Variants in PLXNA4 observed in about 807,000 individuals in gnomAD.
PLXNA4 encodes plexin A4.
Under a neutral mutation model 191.8 loss-of-function variants are expected in PLXNA4, and 44 were observed. The ratio of observed to expected loss-of-function variants is 0.23; its 90% confidence interval spans 0.18 to 0.29. The LOEUF (loss-of-function observed/expected upper bound fraction) is 0.29. Among genes scored for constraint, PLXNA4 ranks in the 10% least tolerant of loss-of-function variants. The pLI is 1.00. For missense variants in PLXNA4, 1,800 were observed against 2,488.8 expected, an observed-to-expected ratio of 0.72 and a Z score of 5.89; for synonymous variants, 1,082 against 1,009.5, an observed-to-expected ratio of 1.07 and a Z score of -1.36.
At chr7:132,492,344 C>T (rs1797841759) in intron 2 of PLXNA4, among the ~76,000 whole-genome samples, 1 of 152,152 alleles carries the variant, frequency 6.6e-6, no homozygotes, top group African/African-American at 2.4e-5. Flanking sequence ...GACAGAAGGA[C>T]ATCAACAGCC....
In PLXNA4 at chr7:132,210,891, TG is replaced by T. The variant is rs1289832100; in HGVS notation, c.2298+51del. On this transcript the variant is annotated intron_variant, in intron 10 of 31. Transcript: ENST00000321063. ...TTTGGCTCCTAGAAGACAACAGTGA[TG>T]TGGGTGGGACTGGGGCCTGGTTTGG... 5.1e-6 allele frequency: 8 copies of T among 1,570,822 alleles called. No individual in the cohort carries two copies. In the African/African-American group the frequency reaches 1.1e-4, roughly 21 times the overall value.
At chr7:132,373,661 G>A (rs953186067) in intron 3 of PLXNA4, among the ~76,000 whole-genome samples, 2 of 152,188 alleles carry the variant, frequency 1.3e-5, no homozygotes, top group Non-Finnish European at 2.9e-5. Flanking sequence ...TTCACTGTGA[G>A]GAAACAGCTC....
chr7:132,513,248 GTTA>G (rs1230426994), intron 1 of PLXNA4, among the ~76,000 whole-genome samples: 1 of 152,232 alleles, frequency 6.6e-6, no homozygotes, highest in Non-Finnish European at 1.5e-5. Context: ...AGAGAGGAAA[GTTA>G]TTATAGAGTC....
chr7:132,546,490 C>G (rs1183164656), intron 1 of PLXNA4, among the ~76,000 whole-genome samples: 1 of 152,158 alleles, frequency 6.6e-6, no homozygotes, highest in Non-Finnish European at 1.5e-5. Context: ...TCTCCAGAAT[C>G]TAATATATCT....
intron 24 of PLXNA4, 68 bp downstream of exon 24, chr7:132,164,074 T>A: frequency 6.3e-7 from 1 of 1,598,238 alleles, no homozygotes; most frequent in Non-Finnish European, 8.5e-7. Flanking sequence ...TCTCCACTGC[T>A]GAGCAGGGCT....
chr7:132,318,838 C>A (rs1048558914), intron 3 of PLXNA4, among the ~76,000 whole-genome samples: 2 of 152,000 alleles, frequency 1.3e-5, no homozygotes, highest in African/African-American at 2.4e-5. Flanking sequence ...TATGTGTGTG[C>A]GCGGGTCTCT....
chr7:132,319,973 G>A (rs746527766), intron 3 of PLXNA4, among the ~76,000 whole-genome samples: 9 of 152,204 alleles, frequency 5.9e-5, no homozygotes, highest in South Asian at 4.1e-4. Flanking sequence ...AGACACCTGA[G>A]TTGGACTGCC....
At chr7:132,500,489 G>T (rs1459851409) in intron 2 of PLXNA4, among the ~76,000 whole-genome samples, 1 of 151,920 alleles carries the variant, frequency 6.6e-6, no homozygotes, top group Non-Finnish European at 1.5e-5. Flanking sequence ...GAGGGGAAGG[G>T]GAAGGGGAAA....
At chr7:132,139,602 C>T (rs931947182) in intron 30 of PLXNA4, among the ~76,000 whole-genome samples, 3 of 152,316 alleles carry the variant, frequency 2.0e-5, no homozygotes, top group East Asian at 1.9e-4. Context: ...CAGCAAACTA[C>T]GCACTTGGTG....
chr7:132,585,023 G>A (rs896363279), intron 2 of PLXNA4, among the ~76,000 whole-genome samples: 10 of 151,974 alleles, frequency 6.6e-5, no homozygotes, highest in East Asian at 3.9e-4. Context: ...TGAAGGTCAC[G>A]CAGCAGCCTG....
chr7:132,138,350 G>T (rs543457035), intron 30 of PLXNA4, among the ~76,000 whole-genome samples: 3 of 152,280 alleles, frequency 2.0e-5, no homozygotes, highest in South Asian at 2.1e-4. Flanking sequence ...ATCCTCAACT[G>T]CAGGCTGCAA....
chr7:132,280,730 A>C (rs919646360), intron 4 of PLXNA4, among the ~76,000 whole-genome samples: 1 of 152,202 alleles, frequency 6.6e-6, no homozygotes, highest in Non-Finnish European at 1.5e-5. Context: ...CTGAGTCTAC[A>C]CAACAAACTC....
At chr7:132,494,364 G>A (rs1797919963) in intron 2 of PLXNA4, among the ~76,000 whole-genome samples, 1 of 152,148 alleles carries the variant, frequency 6.6e-6, no homozygotes. Flanking sequence ...TCTTGGGTGG[G>A]GGCTCAGACA....
intron 2 of PLXNA4, among the ~76,000 whole-genome samples, chr7:132,605,954 A>G (rs1802916332): frequency 1.3e-5 from 2 of 152,130 alleles, no homozygotes; most frequent in African/African-American, 4.8e-5. Context: ...ACTTGAGGCC[A>G]GGAGTTCGAG....
Position 132,507,979 on chromosome 7 carries a change from C to T in PLXNA4, c.715G>A (p.Asp239Asn). ...CCATAGACATAGTAGATATCAAAGT[C>T]AGGGATGATGGTGAAGGTGTCCGAA... ...IPSDTFTIIP[D>N]FDIYYVYGFS... Residue 239 changes from aspartate to asparagine, a missense_variant, in exon 2 of 32, where the codon GAC (aspartate) becomes AAC (asparagine). By Grantham distance (23) the Asp-to-Asn change is conservative. This residue lies in a region of PLXNA4 where 1,397 missense variants were observed against 1,880.4 expected (regional missense o/e 0.74). Coordinates refer to ENST00000321063, the MANE Select transcript of PLXNA4 (RefSeq NM_020911.2). The T allele has an allele frequency of 6.2e-7, 1 of 1,614,194 alleles. No individual in the cohort carries two copies. Among genetic ancestry groups the T allele is most frequent in the South Asian group, 1.1e-5 (1 of 91,088 alleles).
intron 3 of PLXNA4, among the ~76,000 whole-genome samples, chr7:132,467,379 G>T (rs976182546): frequency 6.6e-6 from 1 of 152,172 alleles, no homozygotes; most frequent in African/African-American, 2.4e-5. Flanking sequence ...GTGGGCCAGA[G>T]GTATTTGCTG....
At chr7:132,162,937 C>T (rs879322603) in intron 24 of PLXNA4, among the ~76,000 whole-genome samples, 3 of 152,162 alleles carry the variant, frequency 2.0e-5, no homozygotes, top group Admixed American at 6.5e-5. Context: ...CAGCTCAGAG[C>T]AGTTGGAGGG....
At chr7:132,338,477 T>C (rs1585009676) in intron 3 of PLXNA4, among the ~76,000 whole-genome samples, 1 of 152,370 alleles carries the variant, frequency 6.6e-6, no homozygotes, top group African/African-American at 2.4e-5. Flanking sequence ...CTAGATGTAA[T>C]ATGATGTCAG....
chr7:132,628,126 T>C (rs1386855203), intron 2 of PLXNA4, among the ~76,000 whole-genome samples: 1 of 152,182 alleles, frequency 6.6e-6, no homozygotes, highest in African/African-American at 2.4e-5. Flanking sequence ...CTGTAAAGAG[T>C]ATACAGGTGG....
Sources: gnomAD v4.1 joint callset for allele counts (sites outside exome capture counted in the v4.1 genomes callset) on GRCh38, gnomAD v4.1.1 for gene constraint, gnomAD v4.1.1 regional missense constraint, MANE v1.5 for transcripts, NCBI Gene and HGNC (gene_info 2026-07-23, HGNC 2026-07-21) for gene names.